Variants in AMZ1 observed in about 807,000 individuals in gnomAD.
The protein encoded by AMZ1 is archaelysin family metallopeptidase 1, also known as archaemetzincin-1.
AMZ1 carries 39 observed loss-of-function variants against 29.9 expected under a neutral mutation model. The ratio of observed to expected loss-of-function variants is 1.30; its 90% CI spans 1.01 to 1.70. The LOEUF (loss-of-function observed/expected upper bound fraction) is 1.70. Ranked by LOEUF, AMZ1 falls within the 40% of genes most tolerant of loss-of-function variation. The probability of loss-of-function intolerance (pLI) is 0.00; values close to 1 mark genes in which losing one functional copy is unlikely to be tolerated. For missense variants in AMZ1, 1,041 were observed against 680.6 expected, an observed-to-expected ratio of 1.53 and a Z score of -5.89; for synonymous variants, 458 against 304.0, an observed-to-expected ratio of 1.51 and a Z score of -5.27.
At chr7:2,700,080 G>C (rs185048400) in intron 1 of AMZ1, among the ~76,000 whole-genome samples, 154 bp from the exon 2 acceptor site, 1 of 151,908 alleles carries the variant, frequency 6.6e-6, no homozygotes, top group African/African-American at 2.4e-5. Context: ...CTGGGTGGCA[G>C]TGCTGTGTCC....
chr7:2,683,012 C>T (rs1431178180), intron 1 of AMZ1, among the ~76,000 whole-genome samples: 3 of 152,254 alleles, frequency 2.0e-5, no homozygotes, highest in African/African-American at 7.2e-5. Context: ...TGGAGCAGGG[C>T]TGAGCTGCAG....
At chr7:2,693,669 C>T (rs1190688151) in intron 1 of AMZ1, among the ~76,000 whole-genome samples, 1 of 152,320 alleles carries the variant, frequency 6.6e-6, no homozygotes, top group Non-Finnish European at 1.5e-5. Context: ...CATTCTCCAG[C>T]CTCAGCCTCC....
intron 3 of AMZ1, among the ~76,000 whole-genome samples, chr7:2,703,289 G>T (rs553761280): frequency 1.2e-3 from 180 of 152,182 alleles, no homozygotes; most frequent in Non-Finnish European, 1.0e-3. Context: ...GACTAAAAGC[G>T]CCCACCACAC....
At chr7:2,683,989 C>G (rs968652001), upstream of AMZ1, among the ~76,000 whole-genome samples, 5 of 151,830 alleles carry the variant, frequency 3.3e-5, no homozygotes, top group African/African-American at 9.7e-5. Flanking sequence ...ACCAGCCTGG[C>G]CAACACAGTG....
chr7:2,718,773 C>T lies in AMZ1; in HGVS notation c.*5895C>T, dbSNP rs372798051. 1.1e-4 allele frequency among the ~76,000 whole-genome samples: 16 copies of T among 152,166 alleles called. No individual in the cohort carries two copies. Among genetic ancestry groups the T allele is most frequent in the South Asian group, 4.1e-4 (2 of 4,830 alleles). ...CAGGGAGAAGCGGGCAGGCCAGGGC[C>T]GAGCTGCGTCCGGCTCTCAGGGACT... is the stretch of plus-strand genomic sequence containing the variant. On this transcript the variant is annotated 3_prime_UTR_variant, in exon 7 of 7. Coordinates refer to ENST00000683327, the MANE Select transcript of AMZ1 (RefSeq NM_001384743.1).
At chr7:2,723,655 G>A (rs1357015560), downstream of AMZ1, among the ~76,000 whole-genome samples, 1 of 152,166 alleles carries the variant, frequency 6.6e-6, no homozygotes, top group Non-Finnish European at 1.5e-5. Flanking sequence ...TCTCGGGGAC[G>A]ATTCAGATCA....
At chr7:2,721,715 CAAAA>C (rs35321742), downstream of AMZ1, among the ~76,000 whole-genome samples, 9 of 125,044 alleles carry the variant, frequency 7.2e-5, no homozygotes, top group African/African-American at 1.9e-4. Context: ...GACTACGTCT[CAAAA>C]AAAAAAAAAA....
At chr7:2,689,776 C>T (rs1022102202) in intron 1 of AMZ1, among the ~76,000 whole-genome samples, 8 of 152,206 alleles carry the variant, frequency 5.3e-5, no homozygotes, top group Non-Finnish European at 1.0e-4. Flanking sequence ...TGACAGGGTC[C>T]AAAGGACAGC....
chr7:2,742,532 G>T (rs1790561171), intron 4 of AMZ1, among the ~76,000 whole-genome samples: 1 of 152,086 alleles, frequency 6.6e-6, no homozygotes, highest in African/African-American at 2.4e-5. Context: ...ATTTTCCAGG[G>T]GCTGTAATTC....
At chr7:2,742,024 ATTTTTTTATTTTTTTG>A in intron 4 of AMZ1, among the ~76,000 whole-genome samples, 1 of 151,090 alleles carries the variant, frequency 6.6e-6, no homozygotes, top group Admixed American at 6.6e-5. Context: ...GAATTTTTTT[ATTTTTTTATTTTTTTG>A]AGATGGAGTC....
chr7:2,702,736 C>G lies in AMZ1; in HGVS notation c.319C>G (p.Pro107Ala), dbSNP rs1195648495. 6.5e-7 allele frequency: 1 copy of G among 1,535,852 alleles called. No individual in the cohort carries two copies. Among genetic ancestry groups the G allele is most frequent in the Non-Finnish European group, 8.7e-7 (1 of 1,143,338 alleles). The change falls in exon 3 of 7, where the codon CCG (proline) becomes GCG (alanine). Residue 107 changes from proline to alanine, a missense_variant. Physicochemically the swap from Pro to Ala is conservative, Grantham distance 27. Coordinates refer to ENST00000683327, the MANE Select transcript of AMZ1 (RefSeq NM_001384743.1). ...TCTCCCACCAGACCTGAGCGAGGAG[C>G]CGGTGGGAAGCTCCCTGCTGCACCA... Reference protein sequence around the residue: ...YLQPIDLSEEPVGSSLLHQLC... With the variant: ...YLQPIDLSEEAVGSSLLHQLC...
At chr7:2,733,548 CCTGA>C in intron 4 of AMZ1, 3 of 1,444,530 alleles carry the variant, frequency 2.1e-6, no homozygotes, top group Non-Finnish European at 2.9e-6. Context: ...ACTGAGGAAT[CCTGA>C]TGTGGCAAAT....
chr7:2,721,525 G>T (rs182427510), downstream of AMZ1, among the ~76,000 whole-genome samples: 1 of 152,130 alleles, frequency 6.6e-6, no homozygotes, highest in Admixed American at 6.6e-5. Context: ...GACCATCCTC[G>T]CTAACACGGT....
chr7:2,739,821 G>A (rs1326881189), intron 4 of AMZ1, among the ~76,000 whole-genome samples: 7 of 152,126 alleles, frequency 4.6e-5, no homozygotes, highest in Non-Finnish European at 7.4e-5. Context: ...ACAGGCGTGC[G>A]CCACCAAACC....
intron 4 of AMZ1, among the ~76,000 whole-genome samples, chr7:2,758,370 A>C (rs114710241): frequency 0.03 from 4,513 of 152,270 alleles, 155 homozygotes; most frequent in African/African-American, 0.084. Context: ...AAAAGCTCCA[A>C]TGCAGGCTTG....
chr7:2,731,118 C>T lies in AMZ1; in HGVS notation n.550+21302C>T. ...CAAGGACCACACAGACAACACACAC[C>T]CAAGAGTCTGACCGACAGCCGTGGG... is the stretch of plus-strand genomic sequence containing the variant. On this transcript the variant is annotated intron_variant and non_coding_transcript_variant, in intron 4 of 4. Transcript: ENST00000489665. The surrounding 1 kb of genome is among the most constrained non-coding windows in gnomAD (Gnocchi z 6.0). 1.8e-6 allele frequency: 2 copies of T among 1,126,626 alleles called. No individual in the cohort carries two copies. The highest frequency in any genetic ancestry group is 2.6e-6 in the Non-Finnish European group (2 of 766,958). The allele number at this position is 1,126,626 out of a possible 1,614,324, so 69.8% of individuals were successfully genotyped here. A position where few individuals can be genotyped will look rare whatever the true frequency, so the allele number is the denominator to read the frequency against.
rs1202818036 is a variant in AMZ1, at chr7:2,719,637, C to T, written c.*6759C>T. On this transcript the variant is annotated 3_prime_UTR_variant, in exon 7 of 7. Transcript: ENST00000683327. ...TTACTCAGCTTTTCTATAATGCTTA[C>T]ATCTTACATTTTCATTCTCAAAATT... Among the ~76,000 whole-genome samples the T allele has an allele frequency of 2.6e-5, 4 of 152,136 alleles. No homozygotes were observed. The highest frequency in any genetic ancestry group is 4.4e-5 in the Non-Finnish European group (3 of 68,032).
intron 4 of AMZ1, among the ~76,000 whole-genome samples, chr7:2,757,332 C>T (rs913099143): frequency 2.0e-5 from 3 of 151,740 alleles, no homozygotes; most frequent in African/African-American, 7.3e-5. Flanking sequence ...GACAGGGTTT[C>T]GCCATGTCAG....
chr7:2,747,425 T>C (rs937355069), intron 4 of AMZ1, among the ~76,000 whole-genome samples: 1 of 152,164 alleles, frequency 6.6e-6, no homozygotes, highest in South Asian at 2.1e-4. Flanking sequence ...AAAAACCACA[T>C]GACTATCTCA....
Sources: allele counts gnomAD v4.1 joint callset (sites outside exome capture counted in the v4.1 genomes callset), GRCh38; gene constraint gnomAD v4.1.1; non-coding constraint Gnocchi (gnomAD v3.1); transcripts MANE v1.5; gene names NCBI Gene and HGNC (gene_info 2026-07-23, HGNC 2026-07-21).